SETBP1: variants seen among roughly 807,000 people sequenced by gnomAD.
SETBP1 encodes the protein SET binding protein 1, also known as SET-binding protein.
Under a neutral mutation model 101.0 loss-of-function variants are expected in SETBP1, and 9 were observed. That is an observed-to-expected ratio of 0.09 (90% CI 0.05 to 0.16). SETBP1 has a LOEUF of 0.16. Among genes scored for constraint, SETBP1 ranks in the 10% least tolerant of loss-of-function variants. The probability of loss-of-function intolerance (pLI) is 1.00; values close to 1 mark genes in which losing one functional copy is unlikely to be tolerated. For synonymous variants in SETBP1, 818 were observed against 788.5 expected, an observed-to-expected ratio of 1.04 and a Z score of -0.63; for missense variants, 1,858 against 2,033.8, an observed-to-expected ratio of 0.91 and a Z score of 1.66.
chr18:44,742,087 G>T (rs937860400), intron 2 of SETBP1, among the ~76,000 whole-genome samples: 3 of 152,194 alleles, frequency 2.0e-5, no homozygotes, highest in African/African-American at 7.2e-5. Flanking sequence ...CTCAAGTCTT[G>T]TCTTCTTTCT....
rs766718575 is a variant in SETBP1, at chr18:44,869,290, T to C, written c.540+7T>C. On this transcript the variant is annotated splice_region_variant and intron_variant, in intron 3 of 5. Transcript: ENST00000649279. The stretch of plus-strand genomic sequence containing the variant: ...CAAAGGATTTCAGCCACAGGTAAGT[T>C]CCACTGATGCTTTTAAGAAGTTTGG... 4 of 1,613,386 alleles carry C rather than the reference T, an allele frequency of 2.5e-6. No individual in the cohort carries two copies. The African/African-American group carries it at 5.3e-5, about 22-fold the overall frequency.
chr18:44,696,489 T>C (rs2069019978), intron 1 of SETBP1, among the ~76,000 whole-genome samples: 1 of 152,192 alleles, frequency 6.6e-6, no homozygotes, highest in Admixed American at 6.5e-5. Context: ...AATTCCCAGT[T>C]GGAGAATGTA....
Position 44,952,141 on chromosome 18 carries a change from A to G in SETBP1, c.2801A>G (p.Lys934Arg), listed in dbSNP as rs760116451. ...VDNFLAHESL[K>R]KPKHKRKRKS... is the part of the protein sequence containing the mutation. ...AACTTTCTGGCCCACGAAAGCCTCA[A>G]GAAGCCAAAGCACAAGAGGAAACGG... The change falls in exon 4 of 6, where the codon AAG becomes AGG. Residue 934 changes from lysine to arginine, a missense_variant. Physicochemically the swap from Lys to Arg is conservative, Grantham distance 26. This residue lies in a region of SETBP1 where 255 missense variants were observed against 300.1 expected (regional missense o/e 0.85). Coordinates refer to ENST00000649279, the MANE Select transcript of SETBP1 (RefSeq NM_015559.3). 2 of 1,614,182 alleles carry G rather than the reference A, an allele frequency of 1.2e-6. No individual in the cohort carries two copies. The highest frequency in any genetic ancestry group is 1.1e-5 in the South Asian group (1 of 91,072).
chr18:44,952,622 G>T lies in SETBP1; in HGVS notation c.3282G>T (p.Gln1094His). Residue 1094 changes from glutamine to histidine, a missense_variant, in exon 4 of 6, where the codon CAG becomes CAT. Physicochemically the swap from Gln to His is conservative, Grantham distance 24. Around this residue, in one of 12 missense-constraint regions of SETBP1, gnomAD observed 255 missense variants for 300.1 expected, o/e 0.85. Coordinates refer to ENST00000649279, the MANE Select transcript of SETBP1 (RefSeq NM_015559.3). ...TGAGGCCAACAGTGCCACCACCTCA[G>T]TTCCACACAAACTCCCACGTAAAGA... ...PFMRPTVPPPQFHTNSHVKMS... is the reference protein window; with the variant it reads ...PFMRPTVPPPHFHTNSHVKMS... 7 of 1,613,870 alleles carry T rather than the reference G, an allele frequency of 4.3e-6. No individual in the cohort carries two copies. The highest frequency in any genetic ancestry group is 5.9e-6 in the Non-Finnish European group (7 of 1,179,836).
chr18:44,707,599 G>A lies in SETBP1; in HGVS notation c.486+5767G>A, dbSNP rs184210710. On this transcript the variant is annotated intron_variant, in intron 2 of 5. Transcript: ENST00000649279. ...GCCTAGGGAAAGACTCTTGTATTCCGTCCTGAGCATTCACAATCTGCTTTT... is the reference window on the plus strand; with the variant it reads ...GCCTAGGGAAAGACTCTTGTATTCCATCCTGAGCATTCACAATCTGCTTTT... Among the ~76,000 whole-genome samples the A allele has an allele frequency of 2.8e-4, 43 of 152,264 alleles. No homozygotes were observed. The South Asian group carries it at 5.8e-3, about 21-fold the overall frequency.
chr18:44,759,349 C>T (rs758883555), intron 2 of SETBP1, among the ~76,000 whole-genome samples: 1 of 152,102 alleles, frequency 6.6e-6, no homozygotes, highest in Non-Finnish European at 1.5e-5. Flanking sequence ...AGCTTTCCTG[C>T]GAAGGTGATA....
At chr18:44,968,630 T>G (rs560153421) in intron 4 of SETBP1, among the ~76,000 whole-genome samples, 1 of 152,348 alleles carries the variant, frequency 6.6e-6, no homozygotes, top group East Asian at 1.9e-4. Context: ...ATGGCCATAC[T>G]GTTACTTACC....
chr18:44,910,024 T>C (rs1217622386), intron 3 of SETBP1, among the ~76,000 whole-genome samples: 1 of 152,184 alleles, frequency 6.6e-6, no homozygotes, highest in African/African-American at 2.4e-5. Flanking sequence ...TGAATTCCTA[T>C]TGCATTCTTT....
intron 2 of SETBP1, among the ~76,000 whole-genome samples, chr18:44,706,454 G>A (rs2069220035): frequency 6.6e-6 from 1 of 151,562 alleles, no homozygotes; most frequent in African/African-American, 2.4e-5. Flanking sequence ...GGCATGGGGT[G>A]GTGAATGCCT....
chr18:44,925,219 T>C (rs185701927), intron 3 of SETBP1, among the ~76,000 whole-genome samples: 2 of 152,104 alleles, frequency 1.3e-5, no homozygotes, highest in East Asian at 1.9e-4. Flanking sequence ...ATGTATGTTT[T>C]TTTTTCACCC....
chr18:44,961,489 G>A (rs1191920359), intron 4 of SETBP1, among the ~76,000 whole-genome samples: 1 of 152,192 alleles, frequency 6.6e-6, no homozygotes, highest in African/African-American at 2.4e-5. Context: ...AAACATTGCT[G>A]TGGTTCTAGC....
intron 2 of SETBP1, among the ~76,000 whole-genome samples, chr18:44,762,050 G>A (rs2070663038): frequency 6.6e-6 from 1 of 152,080 alleles, no homozygotes; most frequent in South Asian, 2.1e-4. Flanking sequence ...GGACCGTTAT[G>A]TAATGAACTG....
intron 4 of SETBP1, among the ~76,000 whole-genome samples, chr18:44,980,312 CA>C (rs2072083897): frequency 1.3e-5 from 2 of 152,100 alleles, no homozygotes; most frequent in Admixed American, 1.3e-4. Context: ...TATTTGATTA[CA>C]ACTTGCGTCT....
At chr18:44,965,144 AG>A (rs2071692610) in intron 4 of SETBP1, among the ~76,000 whole-genome samples, 1 of 152,210 alleles carries the variant, frequency 6.6e-6, no homozygotes, top group Non-Finnish European at 1.5e-5. Context: ...GAATTGGACA[AG>A]GGGGAAGGCA....
At chr18:44,998,298 C>G (rs1014295796) in intron 4 of SETBP1, among the ~76,000 whole-genome samples, 1 of 152,234 alleles carries the variant, frequency 6.6e-6, no homozygotes, top group Non-Finnish European at 1.5e-5. Flanking sequence ...GTGGTAGCCC[C>G]GTTTCCGGGG....
At chr18:44,901,834 C>A (rs1231903378) in intron 3 of SETBP1, among the ~76,000 whole-genome samples, 1 of 152,164 alleles carries the variant, frequency 6.6e-6, no homozygotes, top group Non-Finnish European at 1.5e-5. Flanking sequence ...AATGTTTAAC[C>A]ATTAAGGTTC....
chr18:44,853,476 A>C (rs2072912279), intron 2 of SETBP1, among the ~76,000 whole-genome samples: 1 of 152,184 alleles, frequency 6.6e-6, no homozygotes. Context: ...ACAGACATCG[A>C]AACATCCCCA....
chr18:44,735,227 T>C (rs114606295), intron 2 of SETBP1, among the ~76,000 whole-genome samples: 1,706 of 152,322 alleles, frequency 0.011, 33 homozygotes, highest in African/African-American at 0.039. Context: ...CTGAAATCAA[T>C]TGAGGATACA....
At chr18:44,849,404 C>T (rs534816248) in intron 2 of SETBP1, among the ~76,000 whole-genome samples, 1 of 152,178 alleles carries the variant, frequency 6.6e-6, no homozygotes, top group African/African-American at 2.4e-5. Context: ...AGGTGATTAA[C>T]CTTTTAGAAC....
Sources: allele counts gnomAD v4.1 joint callset (sites outside exome capture counted in the v4.1 genomes callset), GRCh38; gene constraint gnomAD v4.1.1; regional missense constraint gnomAD v4.1.1; transcripts MANE v1.5; gene names NCBI Gene and HGNC (gene_info 2026-07-23, HGNC 2026-07-21).